INSC: variants seen among roughly 807,000 people sequenced by gnomAD.
INSC encodes the protein protein inscuteable homolog.
INSC carries 67 observed loss-of-function variants against 58.6 expected under a neutral mutation model. The ratio of observed to expected loss-of-function variants is 1.14; its 90% CI spans 0.94 to 1.40. The LOEUF (loss-of-function observed/expected upper bound fraction) is 1.40. Among genes scored for constraint, INSC ranks in the 40% most tolerant of loss-of-function variants. The pLI is 0.00. For missense variants in INSC, 714 were observed against 692.0 expected, an observed-to-expected ratio of 1.03 and a Z score of -0.36; for synonymous variants, 262 against 276.1, an observed-to-expected ratio of 0.95 and a Z score of 0.51.
chr11:15,207,898 G>A (rs1194960248), intron 7 of INSC, among the ~76,000 whole-genome samples: 1 of 152,182 alleles, frequency 6.6e-6, no homozygotes, highest in South Asian at 2.1e-4. Context: ...AGAAGAGCAA[G>A]TTGAGGCTGG....
chr11:15,152,804 A>G (rs1277929788), intron 2 of INSC, among the ~76,000 whole-genome samples: 1 of 152,194 alleles, frequency 6.6e-6, no homozygotes, highest in Non-Finnish European at 1.5e-5. Context: ...CTGGGACAAT[A>G]AATCCTGCCA....
chr11:15,190,881 T>C (rs1037687513), intron 6 of INSC, 67 bp downstream of exon 6: 5 of 1,034,738 alleles, frequency 4.8e-6, no homozygotes, highest in Non-Finnish European at 7.6e-6. Context: ...ACTTGTTCAA[T>C]GGGAATAGCT....
At chr11:15,143,112 G>A (rs902976187) in intron 1 of INSC, among the ~76,000 whole-genome samples, 2 of 152,142 alleles carry the variant, frequency 1.3e-5, no homozygotes, top group African/African-American at 2.4e-5. Context: ...TGTCAGGCAC[G>A]GGGGGTATGG....
intron 5 of INSC, among the ~76,000 whole-genome samples, chr11:15,183,027 A>G (rs1849832987): frequency 6.6e-6 from 1 of 152,130 alleles, no homozygotes; most frequent in Non-Finnish European, 1.5e-5. Flanking sequence ...TGCTTTATAC[A>G]TATTTATGTT....
the INSC span, among the ~76,000 whole-genome samples, chr11:15,254,844 C>T: frequency 6.6e-6 from 1 of 152,024 alleles, no homozygotes; most frequent in Non-Finnish European, 1.5e-5. Context: ...ACATCCTCCA[C>T]CTAGGAAAGA....
chr11:15,245,158 T>C (rs1378818748), intron 12 of INSC, among the ~76,000 whole-genome samples: 1 of 152,158 alleles, frequency 6.6e-6, no homozygotes, highest in Non-Finnish European at 1.5e-5. Context: ...TGTGAGAAGC[T>C]TGAGGTCAGC....
At chr11:15,136,559 A>G (rs1848250177) in intron 1 of INSC, among the ~76,000 whole-genome samples, 1 of 152,144 alleles carries the variant, frequency 6.6e-6, no homozygotes, top group Non-Finnish European at 1.5e-5. Context: ...TATTAACTAA[A>G]TTTATGCTAT....
chr11:15,161,707 G>A (rs1564877303), intron 2 of INSC, among the ~76,000 whole-genome samples: 1 of 152,188 alleles, frequency 6.6e-6, no homozygotes, highest in Non-Finnish European at 1.5e-5. Flanking sequence ...TAGGGGTGGA[G>A]AGAAGAAGAA....
intron 5 of INSC, among the ~76,000 whole-genome samples, chr11:15,181,596 C>G (rs972629252): frequency 6.6e-6 from 1 of 152,236 alleles, no homozygotes; most frequent in East Asian, 1.9e-4. Context: ...CTGAGATGAA[C>G]AAAGTATAAA....
chr11:15,193,754 G>A (rs1850268853), intron 6 of INSC, among the ~76,000 whole-genome samples: 2 of 152,176 alleles, frequency 1.3e-5, no homozygotes, highest in African/African-American at 2.4e-5. Context: ...ATAAACATAC[G>A]TGTGTATGTG....
In INSC at chr11:15,120,000, T is replaced by C. The variant is rs150257784; in HGVS notation, c.-46+4997T>C. Reference sequence around the variant, plus strand: ...TTTCTGTGAAAGAACACCGGCCTAATTGGCACAAGATCTGGATTCCAGCTC... The same window carrying C: ...TTTCTGTGAAAGAACACCGGCCTAACTGGCACAAGATCTGGATTCCAGCTC... On this transcript the variant is annotated intron_variant, in intron 1 of 12. Coordinates refer to ENST00000379556, the MANE Select transcript of INSC (RefSeq NM_001042536.3). Among the ~76,000 whole-genome samples the C allele has an allele frequency of 2.1e-4, 32 of 152,374 alleles. No individual in the cohort carries two copies. In the East Asian group the frequency reaches 2.5e-3, roughly 12 times the overall value.
intron 11 of INSC, among the ~76,000 whole-genome samples, chr11:15,239,498 T>A (rs1852260477): frequency 6.6e-6 from 1 of 152,216 alleles, no homozygotes; most frequent in East Asian, 1.9e-4. Flanking sequence ...AACTCATTCA[T>A]TAATTCACCC....
chr11:15,229,976 ATATT>A (rs1851818284), intron 9 of INSC, among the ~76,000 whole-genome samples: 3 of 14,852 alleles, frequency 2.0e-4, no homozygotes, highest in African/African-American at 1.2e-3. Flanking sequence ...ATATATATAT[ATATT>A]ATATATATAT....
the INSC span, among the ~76,000 whole-genome samples, chr11:15,262,794 A>G: frequency 6.6e-6 from 1 of 152,130 alleles, no homozygotes; most frequent in Non-Finnish European, 1.5e-5. Flanking sequence ...GCATTTCCAC[A>G]GACAAAGCTC....
At chr11:15,147,485 C>T (rs17413538) in intron 1 of INSC, among the ~76,000 whole-genome samples, 38,234 of 152,156 alleles carry the variant, frequency 0.25, 5,078 homozygotes, top group Middle Eastern at 0.32. Context: ...TATTCTTCCA[C>T]GTTCCTAATC....
chr11:15,121,490 G>A (rs886678985), intron 1 of INSC, among the ~76,000 whole-genome samples: 6 of 152,236 alleles, frequency 3.9e-5, no homozygotes, highest in Non-Finnish European at 8.8e-5. Context: ...AGCACATGAT[G>A]TGGGGATTGT....
chr11:15,195,509 C>A (rs2133870999), intron 6 of INSC, among the ~76,000 whole-genome samples: 1 of 152,232 alleles, frequency 6.6e-6, no homozygotes, highest in East Asian at 1.9e-4. Flanking sequence ...GTTTCAGGAC[C>A]TGAGCACTCA....
chr11:15,200,160 C>CAG (rs1398860264), intron 6 of INSC, among the ~76,000 whole-genome samples: 1 of 117,890 alleles, frequency 8.5e-6, no homozygotes, highest in Non-Finnish European at 1.8e-5. Context: ...ATATCACACA[C>CAG]ACACACACAC....
chr11:15,172,547 G>T (rs909793068), intron 2 of INSC, among the ~76,000 whole-genome samples: 1 of 152,202 alleles, frequency 6.6e-6, no homozygotes, highest in African/African-American at 2.4e-5. Flanking sequence ...CCCCACTGAA[G>T]GATGCAGAGG....
Sources: allele counts gnomAD v4.1 joint callset (sites outside exome capture counted in the v4.1 genomes callset), GRCh38; gene constraint gnomAD v4.1.1; transcripts MANE v1.5; gene names NCBI Gene and HGNC (gene_info 2026-07-23, HGNC 2026-07-21).